Variants in TET2 observed in about 807,000 individuals in gnomAD.
TET2 encodes the protein methylcytosine dioxygenase TET2.
TET2 carries 299 observed loss-of-function variants against 142.9 expected under a neutral mutation model. That is an observed-to-expected ratio of 2.09 (90% CI 1.90 to 2.30). The LOEUF (loss-of-function observed/expected upper bound fraction) is 2.30, where lower values mean the gene tolerates loss of function less well. Among genes scored for constraint, TET2 ranks in the 30% most tolerant of loss-of-function variants. The pLI is 0.00. For synonymous variants in TET2, 819 were observed against 849.0 expected (o/e 0.96, Z 0.61); for missense variants, 2,418 against 2,378.0 (o/e 1.02, Z -0.35).
intron 1 of TET2, among the ~76,000 whole-genome samples, chr4:105,183,318 G>T (rs2110458086): frequency 6.6e-6 from 1 of 152,132 alleles, no homozygotes; most frequent in East Asian, 1.9e-4. Context: ...ATCAATTATA[G>T]TTATATATTA....
chr4:105,243,791 C>T lies in TET2; in HGVS notation c.3803+13C>T, dbSNP rs1316653639. The T allele has an allele frequency of 6.5e-7, 1 of 1,549,856 alleles. No homozygotes were observed. The highest frequency in any genetic ancestry group is 2.4e-5 in the East Asian group (1 of 40,900). On this transcript the variant is annotated intron_variant, in intron 6 of 10. Transcript: ENST00000380013. ...CCTTGAATGAAGAGTAAGTGAAGCC[C>T]AGGGCCTCTCCCCTCTTTGCGGCCA... is the stretch of plus-strand genomic sequence containing the variant.
chr4:105,269,587 TCA>T, intron 8 of TET2, 21 bp from the exon 9 acceptor site: 2 of 1,550,372 alleles, frequency 1.3e-6, no homozygotes, highest in Non-Finnish European at 1.7e-6. Flanking sequence ...ACTTTCGCAT[TCA>T]CACACACTTT....
intron 2 of TET2, among the ~76,000 whole-genome samples, chr4:105,206,855 T>C (rs944687329): frequency 6.6e-6 from 1 of 152,232 alleles, no homozygotes; most frequent in African/African-American, 2.4e-5. Flanking sequence ...AATAAGCTTC[T>C]TAAATGCCTT....
chr4:105,248,240 A>T (rs1329626335), intron 6 of TET2, among the ~76,000 whole-genome samples: 1 of 152,152 alleles, frequency 6.6e-6, no homozygotes, highest in African/African-American at 2.4e-5. Flanking sequence ...TTTCACATCA[A>T]TTGATGATCA....
rs1729002524 is a variant in TET2 at position 105,237,225 on chromosome 4, A to C, written c.3283A>C (p.Arg1095=). The change falls in exon 3 of 11, where the codon AGA becomes CGA. Residue 1095 remains arginine, a synonymous_variant. Coordinates refer to ENST00000380013, the MANE Select transcript of TET2 (RefSeq NM_001127208.3). ...TTCTTCAGAAAAGACACCAACCAAA[A>C]GAACAGCTGCTTCTGTTCTCAATAA... ...TTSSEKTPTK[R]TAASVLNNFI... 1 of 1,614,020 alleles carries C rather than the reference A, an allele frequency of 6.2e-7. No homozygotes were observed. Among genetic ancestry groups the C allele is most frequent in the South Asian group, 1.1e-5 (1 of 91,088 alleles).
chr4:105,242,158 T>A (rs1024107637), intron 4 of TET2: 14 of 1,138,558 alleles, frequency 1.2e-5, no homozygotes, highest in Non-Finnish European at 1.5e-5. Context: ...ACATATTCAG[T>A]ATCATTCTTG....
intron 1 of TET2, among the ~76,000 whole-genome samples, chr4:105,151,870 T>C (rs1198320318): frequency 1.3e-5 from 2 of 151,882 alleles, no homozygotes; most frequent in African/African-American, 4.8e-5. Context: ...AGGTCAGGAG[T>C]TTGAGACCAG....
chr4:105,178,523 G>A (rs1380941936), intron 1 of TET2, among the ~76,000 whole-genome samples: 2 of 152,150 alleles, frequency 1.3e-5, no homozygotes, highest in East Asian at 1.9e-4. Flanking sequence ...GTCCAAACAC[G>A]TAGGATGTAA....
intron 8 of TET2, among the ~76,000 whole-genome samples, chr4:105,263,270 A>T (rs1730532219): frequency 1.3e-5 from 2 of 152,154 alleles, no homozygotes; most frequent in Admixed American, 6.6e-5. Flanking sequence ...TGTGTTGGGG[A>T]TGGAAGGGTA....
At chr4:105,211,120 G>A (rs368503167) in intron 2 of TET2, among the ~76,000 whole-genome samples, 36 of 152,164 alleles carry the variant, frequency 2.4e-4, no homozygotes, top group African/African-American at 7.7e-4. Flanking sequence ...TTATGCTTCA[G>A]TGCCTTTTGT....
intron 7 of TET2, among the ~76,000 whole-genome samples, chr4:105,260,672 T>A (rs920376786): frequency 7.9e-5 from 12 of 152,188 alleles, no homozygotes; most frequent in African/African-American, 2.7e-4. Context: ...AAGAATTTGT[T>A]AACCTTATTA....
intron 3 of TET2, chr4:105,240,622 G>A (rs912586543): frequency 9.3e-7 from 1 of 1,079,956 alleles, no homozygotes; most frequent in Non-Finnish European, 1.1e-6. Flanking sequence ...TGCCTCACTG[G>A]GCTAAAACAC....
intron 1 of TET2, among the ~76,000 whole-genome samples, chr4:105,150,497 C>T (rs1301867548): frequency 6.6e-6 from 1 of 152,158 alleles, no homozygotes; most frequent in East Asian, 1.9e-4. Flanking sequence ...AGTATTTGTT[C>T]ATCAGAATAA....
chr4:105,221,094 GAAAC>G (rs887768963), intron 2 of TET2, among the ~76,000 whole-genome samples: 9 of 152,044 alleles, frequency 5.9e-5, no homozygotes, highest in African/African-American at 1.7e-4. Context: ...TAATTTATGA[GAAAC>G]AAATATTTGT....
At chr4:105,210,423 AT>A (rs1727092265) in intron 2 of TET2, among the ~76,000 whole-genome samples, 1 of 152,076 alleles carries the variant, frequency 6.6e-6, no homozygotes, top group African/African-American at 2.4e-5. Flanking sequence ...ACTTGGGATG[AT>A]CTTATCTAGT....
At chr4:105,261,487 C>G (rs1242512245) in intron 7 of TET2, among the ~76,000 whole-genome samples, 11 of 151,994 alleles carry the variant, frequency 7.2e-5, no homozygotes. Flanking sequence ...TCCCCTAACC[C>G]TACTCCTGGC....
chr4:105,175,583 A>G (rs1578561864), intron 1 of TET2, among the ~76,000 whole-genome samples: 1 of 152,268 alleles, frequency 6.6e-6, no homozygotes, highest in East Asian at 1.9e-4. Context: ...GAACTGCAGG[A>G]GAACTACAAA....
In TET2 at chr4:105,269,801, A is replaced by G. The variant is rs1282167900; in HGVS notation, c.4182+54A>G. 5.2e-6 allele frequency: 8 copies of G among 1,531,732 alleles called. No homozygotes were observed. The East Asian group carries it at 1.7e-4, about 33-fold the overall frequency. The allele number at this position is 1,531,732 out of a possible 1,614,324, so 94.9% of individuals were successfully genotyped here. A position where few individuals can be genotyped will look rare whatever the true frequency, so the allele number is the denominator to read the frequency against. On this transcript the variant is annotated intron_variant, in intron 9 of 10. Transcript: ENST00000380013. ...CTGTTGAGTCTGTTCTCACACTGCT[A>G]ATAAAGACATATGCAAGACTGGGTA...
At chr4:105,273,033 G>T (rs774383844) in intron 10 of TET2, 115 bp downstream of exon 10, 13 of 766,524 alleles carry the variant, frequency 1.7e-5, no homozygotes, top group Non-Finnish European at 2.5e-5. Context: ...CATGCAGGAT[G>T]TGCAGGTTTG....
Sources: gnomAD v4.1 joint callset for allele counts (sites outside exome capture counted in the v4.1 genomes callset) on GRCh38, gnomAD v4.1.1 for gene constraint, MANE v1.5 for transcripts, NCBI Gene and HGNC (gene_info 2026-07-23, HGNC 2026-07-21) for gene names.